CTDP1: variants seen among roughly 807,000 people sequenced by gnomAD.
CTDP1 encodes the protein RNA polymerase II subunit A C-terminal domain phosphatase.
CTDP1 carries 47 observed loss-of-function variants against 91.8 expected under a neutral mutation model. The observed-to-expected ratio is 0.51, with a 90% CI of 0.41 to 0.65. CTDP1 has a LOEUF of 0.65. Ranked by LOEUF, CTDP1 falls within the 30% of genes least tolerant of loss-of-function variation. The pLI is 0.00. For synonymous variants in CTDP1, 656 were observed against 598.5 expected (o/e 1.10, Z -1.40); for missense variants, 1,272 against 1,373.7 (o/e 0.93, Z 1.17).
chr18:79,702,564 G>A (rs150478017), intron 4 of CTDP1, among the ~76,000 whole-genome samples: 2,198 of 152,152 alleles, frequency 0.014, 66 homozygotes, highest in African/African-American at 0.051. Flanking sequence ...AGTAGAGACG[G>A]GGTTGTGCCA....
At chr18:79,722,406 G>A (rs931682204) in intron 10 of CTDP1, among the ~76,000 whole-genome samples, 6 of 152,170 alleles carry the variant, frequency 3.9e-5, no homozygotes, top group Non-Finnish European at 7.3e-5. Context: ...TGAATAAGTC[G>A]ACTTTTGATG....
chr18:79,690,400 A>G (rs2085595890), intron 1 of CTDP1, among the ~76,000 whole-genome samples: 1 of 152,198 alleles, frequency 6.6e-6, no homozygotes, highest in African/African-American at 2.4e-5. Context: ...CAAACCAGAA[A>G]ACATTTATTG....
upstream of CTDP1, chr18:79,677,238 C>T (rs897239285): frequency 6.6e-6 from 1 of 152,290 alleles, no homozygotes; most frequent in African/African-American, 2.4e-5. Flanking sequence ...CCGACATCAC[C>T]CTGGGCTTGC....
At chr18:79,714,429 G>C in intron 7 of CTDP1, 62 bp from the exon 8 acceptor site, 2 of 1,574,886 alleles carry the variant, frequency 1.3e-6, no homozygotes, top group South Asian at 1.1e-5. Context: ...GCTTTAACTT[G>C]GAACGTTATT....
At chr18:79,710,564 A>G (rs1415448771) in intron 6 of CTDP1, 128 bp downstream of exon 6, 2 of 724,056 alleles carry the variant, frequency 2.8e-6, no homozygotes, top group East Asian at 5.8e-5. Flanking sequence ...GCTGTTGCCC[A>G]GGCTAGAGTG....
rs764076790 is a variant in CTDP1 at position 79,715,267 on chromosome 18, G to A, written c.1807G>A (p.Asp603Asn). The change falls in exon 8 of 13, where the codon GAC (aspartate) becomes AAC (asparagine). Residue 603 changes from aspartate (D) to asparagine (N), a missense_variant. Coordinates refer to ENST00000613122, the MANE Select transcript of CTDP1 (RefSeq NM_004715.5). ...LEEILVRVHTDYYAKYDRYLN... is the reference protein window; with the variant it reads ...LEEILVRVHTNYYAKYDRYLN... ...GGAGATCCTGGTCCGTGTACACACTGACTACTATGCCAAGTATGACCGCTA... is the reference window on the plus strand; with the variant it reads ...GGAGATCCTGGTCCGTGTACACACTAACTACTATGCCAAGTATGACCGCTA... The A allele has an allele frequency of 6.2e-7, 1 of 1,610,706 alleles. No individual in the cohort carries two copies. The highest frequency in any genetic ancestry group is 8.5e-7 in the Non-Finnish European group (1 of 1,178,580).
chr18:79,699,137 T>A (rs1014274261), intron 4 of CTDP1, among the ~76,000 whole-genome samples: 1 of 152,340 alleles, frequency 6.6e-6, no homozygotes, highest in Middle Eastern at 3.4e-3. Flanking sequence ...TATTTCTGGC[T>A]GTGTTAGTCA....
intron 5 of CTDP1, among the ~76,000 whole-genome samples, chr18:79,709,586 C>G (rs549290872): frequency 6.6e-6 from 1 of 152,302 alleles, no homozygotes; most frequent in South Asian, 2.1e-4. Flanking sequence ...TTGTAATTAA[C>G]GGATGTCATG....
rs552606370 is a variant in CTDP1, at chr18:79,719,560, A to C, written c.2417+1544A>C. Among the ~76,000 whole-genome samples, 727 of 144,660 alleles carry C rather than the reference A, an allele frequency of 5.0e-3. 4 individuals are homozygous for C. The highest frequency in any genetic ancestry group is 0.017 in the African/African-American group (675 of 38,738). 94.9% of individuals were successfully genotyped at this position (144,660 alleles called of 152,430 possible). On this transcript the variant is annotated intron_variant, in intron 10 of 12. Transcript: ENST00000613122. ...AAGGCATCCTGGTGATGTCACCTCCAGTTGTTAGGAAGGTGTCCTGGTGAT... is the reference window on the plus strand; with the variant it reads ...AAGGCATCCTGGTGATGTCACCTCCCGTTGTTAGGAAGGTGTCCTGGTGAT...
Position 79,716,637 on chromosome 18 carries a change from C to G in CTDP1, c.2069-898C>G, listed in dbSNP as rs2086215198. Among the ~76,000 whole-genome samples, 4 of 152,126 alleles carry G rather than the reference C, an allele frequency of 2.6e-5. No individual in the cohort carries two copies. In the South Asian group the frequency reaches 8.3e-4, roughly 31 times the overall value. The stretch of plus-strand genomic sequence containing the variant: ...TGCCGCGTGTCTGCCCAGCTCCTGA[C>G]CCTTCTCTCCTGAGCATGGAGCTGG... On this transcript the variant is annotated intron_variant, in intron 8 of 12. Coordinates refer to ENST00000613122, the MANE Select transcript of CTDP1 (RefSeq NM_004715.5).
At chr18:79,715,998 TC>T (rs2086200201) in intron 8 of CTDP1, among the ~76,000 whole-genome samples, 2 of 152,314 alleles carry the variant, frequency 1.3e-5, no homozygotes, top group South Asian at 4.1e-4. Context: ...GTGAAACCTG[TC>T]CCGGACGGGG....
At chr18:79,749,132 G>A (rs1004298716) in intron 12 of CTDP1, among the ~76,000 whole-genome samples, 3 of 152,238 alleles carry the variant, frequency 2.0e-5, no homozygotes, top group Non-Finnish European at 4.4e-5. Context: ...GTCACAGCTG[G>A]CATTTCCCAT....
At chr18:79,753,166 G>C (rs543802356) in intron 12 of CTDP1, among the ~76,000 whole-genome samples, 1 of 152,220 alleles carries the variant, frequency 6.6e-6, no homozygotes, top group African/African-American at 2.4e-5. Flanking sequence ...TAGTGGCACC[G>C]GCTGGTTATG....
chr18:79,697,877 A>G lies in CTDP1; in HGVS notation c.510A>G (p.Gly170=). 1 of 1,614,198 alleles carries G rather than the reference A, an allele frequency of 6.2e-7. No individual in the cohort carries two copies. The highest frequency in any genetic ancestry group is 8.5e-7 in the Non-Finnish European group (1 of 1,180,044). Residue 170 remains glycine (G), a synonymous_variant, in exon 4 of 13, where the codon GGA becomes GGG. Coordinates refer to ENST00000613122, the MANE Select transcript of CTDP1 (RefSeq NM_004715.5). ...AATTGTAGCAAGCTGAACAGCTGGG[A>G]AGAGAAGACCAGCAGCGACTGCACC... ...MVSSEQAEQL[G]REDQQRLHRN... is the part of the protein sequence containing the mutation.
At chr18:79,682,516 A>G (rs980408820) in intron 1 of CTDP1, among the ~76,000 whole-genome samples, 3 of 152,226 alleles carry the variant, frequency 2.0e-5, no homozygotes, top group African/African-American at 7.2e-5. Context: ...AGCTCTTTAT[A>G]CACAATTTAC....
In CTDP1 at chr18:79,713,981, GC is replaced by G. The variant is rs2086137398; in HGVS notation, c.1031-509del. ...CCACGGTGGCGCCAGGTCTGCAGGG[GC>G]TTACGGCCACGGTGGTGCCAGGTCT... is the stretch of plus-strand genomic sequence containing the variant. On this transcript the variant is annotated intron_variant, in intron 7 of 12. Transcript: ENST00000613122. This position sits in a 1 kb window ranked among gnomAD's most constrained non-coding sequence, Gnocchi z 4.7. 9.2e-6 allele frequency among the ~76,000 whole-genome samples: 1 copy of G among 109,188 alleles called. No individual in the cohort carries two copies. The highest frequency in any genetic ancestry group is 2.1e-5 in the Non-Finnish European group (1 of 46,572). The allele number at this position is 109,188 out of a possible 152,430, so 71.6% of individuals were successfully genotyped here. A position where few individuals can be genotyped will look rare whatever the true frequency, so the allele number is the denominator to read the frequency against.
At chr18:79,686,327 G>A (rs2085492222) in intron 1 of CTDP1, among the ~76,000 whole-genome samples, 1 of 152,146 alleles carries the variant, frequency 6.6e-6, no homozygotes, top group Admixed American at 6.5e-5. Flanking sequence ...TCAGTTTTAT[G>A]TGTGTTTTAA....
chr18:79,751,446 A>T (rs896314509), intron 12 of CTDP1, among the ~76,000 whole-genome samples: 2 of 152,130 alleles, frequency 1.3e-5, no homozygotes, highest in Non-Finnish European at 2.9e-5. Flanking sequence ...TGTTTCTCTC[A>T]TGCGGTATTT....
chr18:79,743,680 C>T (rs1018969614), intron 12 of CTDP1, among the ~76,000 whole-genome samples: 1 of 152,212 alleles, frequency 6.6e-6, no homozygotes, highest in African/African-American at 2.4e-5. Context: ...TGAGGAGGGG[C>T]TGAGCTGTGC....
Sources: allele counts gnomAD v4.1 joint callset (sites outside exome capture counted in the v4.1 genomes callset), GRCh38; gene constraint gnomAD v4.1.1; non-coding constraint Gnocchi (gnomAD v3.1); transcripts MANE v1.5; gene names NCBI Gene and HGNC (gene_info 2026-07-23, HGNC 2026-07-21).